NFIA: variants seen among roughly 807,000 people sequenced by gnomAD.
NFIA encodes nuclear factor 1 A-type.
In NFIA, 8 loss-of-function variants were observed where a neutral mutation model predicts 62.8. The observed-to-expected ratio is 0.13, with a 90% CI of 0.07 to 0.23. The LOEUF is 0.23. NFIA is among the 10% of genes least tolerant of loss of function. The pLI is 1.00. For missense variants in NFIA, 410 were observed against 642.1 expected (o/e 0.64, Z 3.91); for synonymous variants, 235 against 238.1 (o/e 0.99, Z 0.12).
At chr1:61,114,483 T>C (rs1211206145) in intron 2 of NFIA, among the ~76,000 whole-genome samples, 1 of 152,192 alleles carries the variant, frequency 6.6e-6, no homozygotes, top group Non-Finnish European at 1.5e-5. Context: ...AGCAAGATCC[T>C]TTCTCAAAAC....
intron 2 of NFIA, chr1:61,124,838 A>G (rs1440386776): frequency 2.0e-5 from 3 of 152,154 alleles, no homozygotes; most frequent in Admixed American, 1.3e-4. Flanking sequence ...GTGGTGGTGG[A>G]TGGAACCACT....
chr1:61,358,379 C>CTTTCTTTTTTTTTTTT (rs71582639), intron 5 of NFIA, among the ~76,000 whole-genome samples: 38 of 52,626 alleles, frequency 7.2e-4, no homozygotes, highest in East Asian at 1.3e-3. Flanking sequence ...TTCTTTCTTT[C>CTTTCTTTTTTTTTTTT]TTTTTTTTTT....
chr1:61,280,390 T>C (rs1370097369), intron 3 of NFIA, among the ~76,000 whole-genome samples: 1 of 152,244 alleles, frequency 6.6e-6, no homozygotes, highest in Non-Finnish European at 1.5e-5. Flanking sequence ...ATTGAAGAAG[T>C]AACAGACTTG....
chr1:61,386,246 G>C (rs1482272471), intron 7 of NFIA, among the ~76,000 whole-genome samples: 1 of 152,150 alleles, frequency 6.6e-6, no homozygotes, highest in Non-Finnish European at 1.5e-5. Flanking sequence ...ATAGCTGCAA[G>C]AGTCAGTGTG....
chr1:61,091,827 G>A (rs1056853145), intron 2 of NFIA, among the ~76,000 whole-genome samples: 2 of 151,576 alleles, frequency 1.3e-5, no homozygotes, highest in Non-Finnish European at 1.5e-5. Flanking sequence ...GCACTCAACC[G>A]AGAAGTTTCT....
chr1:61,329,710 G>A (rs1661187006), intron 3 of NFIA, among the ~76,000 whole-genome samples: 1 of 152,186 alleles, frequency 6.6e-6, no homozygotes. Flanking sequence ...TAAACTCCCT[G>A]AAGGTGGGAA....
At chr1:61,090,341 G>A (rs1570128129) in intron 2 of NFIA, among the ~76,000 whole-genome samples, 2 of 152,032 alleles carry the variant, frequency 1.3e-5, no homozygotes, top group Admixed American at 6.6e-5. Context: ...GACCAACATC[G>A]AAACTTGAAA....
At chr1:61,177,255 T>G (rs1201585455) in intron 2 of NFIA, among the ~76,000 whole-genome samples, 1 of 152,160 alleles carries the variant, frequency 6.6e-6, no homozygotes. Flanking sequence ...TGTATTTCCC[T>G]CCTTCCCACA....
At chr1:61,080,412 C>A (rs1162120131), upstream of NFIA, among the ~76,000 whole-genome samples, 3 of 152,016 alleles carry the variant, frequency 2.0e-5, no homozygotes, top group Non-Finnish European at 4.4e-5. Context: ...TTTTAATACA[C>A]CAAAAGAAAG....
intron 3 of NFIA, among the ~76,000 whole-genome samples, chr1:61,306,088 G>A (rs992696685): frequency 6.6e-6 from 1 of 151,588 alleles, no homozygotes; most frequent in Non-Finnish European, 1.5e-5. Flanking sequence ...CTGACCTCGT[G>A]ATCCGCCCGC....
intron 2 of NFIA, among the ~76,000 whole-genome samples, chr1:61,210,822 T>A (rs532228058): frequency 1.3e-5 from 2 of 152,282 alleles, no homozygotes; most frequent in South Asian, 4.1e-4. Context: ...CTCTCTTGGC[T>A]CCATCTACAG....
At chr1:61,266,040 A>G (rs1657141427) in intron 2 of NFIA, among the ~76,000 whole-genome samples, 1 of 152,240 alleles carries the variant, frequency 6.6e-6, no homozygotes, top group Admixed American at 6.5e-5. Context: ...CCGAAGACCA[A>G]CAGCTCAATT....
chr1:61,084,414 AC>A (rs1481231587), intron 1 of NFIA, among the ~76,000 whole-genome samples: 2 of 151,578 alleles, frequency 1.3e-5, no homozygotes, highest in African/African-American at 4.8e-5. Context: ...ACTTTTAGTT[AC>A]TGTAAAAGTT....
At chr1:61,287,502 G>A (rs943474312) in intron 3 of NFIA, among the ~76,000 whole-genome samples, 2 of 152,030 alleles carry the variant, frequency 1.3e-5, no homozygotes, top group African/African-American at 2.4e-5. Context: ...GGTGGATTTT[G>A]TTCCTAAATA....
chr1:61,260,895 A>G (rs1656733150), intron 2 of NFIA, among the ~76,000 whole-genome samples: 1 of 152,182 alleles, frequency 6.6e-6, no homozygotes, highest in South Asian at 2.1e-4. Context: ...ATTTTCATAG[A>G]GTTTCCACTT....
chr1:61,112,812 C>T (rs1394644435), intron 2 of NFIA, among the ~76,000 whole-genome samples: 1 of 152,164 alleles, frequency 6.6e-6, no homozygotes, highest in Non-Finnish European at 1.5e-5. Flanking sequence ...GTAGGCCTAA[C>T]ATTCATTTCA....
chr1:61,082,159 C>A (rs1489549209), upstream of NFIA: 1 of 635,800 alleles, frequency 1.6e-6, no homozygotes. Flanking sequence ...CAGACTGTAA[C>A]TGCTCCTCAC....
At position 61,082,673 on chromosome 1, in the gene NFIA, TCTC is replaced by T; in HGVS notation, c.-118_-116del. 8.6e-6 allele frequency: 3 copies of T among 348,768 alleles called. No homozygotes were observed. Among genetic ancestry groups the T allele is most frequent in the South Asian group, 1.9e-4 (2 of 10,696 alleles). The allele number at this position is 348,768 out of a possible 1,614,324, so 21.6% of individuals were successfully genotyped here. ...GGCTTGATTTTTTTTTCTCCCCCCT[TCTC>T]TCTCTCTCTCTCTCTCTCTCTTCCT... On this transcript the variant is annotated 5_prime_UTR_variant, in exon 1 of 11. Coordinates refer to ENST00000403491, the MANE Select transcript of NFIA (RefSeq NM_001134673.4).
chr1:61,454,475 C>G (rs1417495808), intron 10 of NFIA, among the ~76,000 whole-genome samples: 1 of 152,198 alleles, frequency 6.6e-6, no homozygotes, highest in Non-Finnish European at 1.5e-5. Flanking sequence ...ACAGAAGGCT[C>G]TAAATAAATG....
Sources: gnomAD v4.1 joint callset for allele counts (sites outside exome capture counted in the v4.1 genomes callset) on GRCh38, gnomAD v4.1.1 for gene constraint, MANE v1.5 for transcripts, NCBI Gene and HGNC (gene_info 2026-07-23, HGNC 2026-07-21) for gene names.